The following CLIC5 variants were observed in gnomAD, a reference collection of about 807,000 sequenced individuals.
CLIC5 encodes the protein chloride intracellular channel protein 5.
Under a neutral mutation model 24.7 loss-of-function variants are expected in CLIC5, and 20 were observed. The ratio of observed to expected loss-of-function variants is 0.81; its 90% CI spans 0.57 to 1.18. CLIC5 has a LOEUF of 1.18. CLIC5 is among the 50% of genes most tolerant of loss of function. The pLI is 0.00. For synonymous variants in CLIC5, 159 were observed against 135.6 expected (o/e 1.17, Z -1.20); for missense variants, 341 against 326.1 (o/e 1.05, Z -0.35).
At chr6:46,048,420 A>C (rs757805018) in intron 1 of CLIC5, among the ~76,000 whole-genome samples, 84 of 152,290 alleles carry the variant, frequency 5.5e-4, no homozygotes, top group Non-Finnish European at 9.7e-4. Context: ...CAGTCTTAGC[A>C]TGGGAAGATT....
rs186695236 is a variant in CLIC5 at position 45,972,994 on chromosome 6, G to A, written c.64-17750C>T. Among the ~76,000 whole-genome samples, 317 of 152,310 alleles carry A rather than the reference G, an allele frequency of 2.1e-3. 1 individual carries two copies. The highest frequency in any genetic ancestry group is 7.5e-3 in the African/African-American group (310 of 41,570). ...GCCAAATTTCCATACCTCGTGCAGA[G>A]GAGGAGCCTGCTTGCAAATAACAAT... On this transcript the variant is annotated intron_variant, in intron 1 of 5. Transcript: ENST00000339561.
intron 1 of CLIC5, among the ~76,000 whole-genome samples, chr6:45,997,512 G>GAAAAA (rs201284615): frequency 3.8e-3 from 491 of 130,248 alleles, no homozygotes; most frequent in African/African-American, 0.012. Context: ...AATAATAAAA[G>GAAAAA]AAAAAAAAAA....
At chr6:46,029,505 C>T (rs560190330) in intron 1 of CLIC5, among the ~76,000 whole-genome samples, 1 of 152,330 alleles carries the variant, frequency 6.6e-6, no homozygotes, top group East Asian at 1.9e-4. Flanking sequence ...GCCTCTGTGA[C>T]TCTCCAATGT....
At chr6:45,995,130 T>A (rs547435222) in intron 1 of CLIC5, among the ~76,000 whole-genome samples, 21 of 152,302 alleles carry the variant, frequency 1.4e-4, no homozygotes, top group Admixed American at 2.6e-4. Flanking sequence ...CTTTGGCCAC[T>A]CCTTAGGAGA....
At chr6:46,102,958 T>G in the CLIC5 span, among the ~76,000 whole-genome samples, 1 of 152,220 alleles carries the variant, frequency 6.6e-6, no homozygotes, top group Non-Finnish European at 1.5e-5. Flanking sequence ...AAACACATAT[T>G]CAAATATAGC....
intron 4 of CLIC5, among the ~76,000 whole-genome samples, chr6:45,917,131 G>T (rs191659699): frequency 2.3e-4 from 35 of 152,198 alleles, no homozygotes; most frequent in African/African-American, 7.7e-4. Flanking sequence ...TTGCCTTAAG[G>T]CTTCATAAAT....
chr6:46,087,626 AT>A, the CLIC5 span, among the ~76,000 whole-genome samples: 17 of 151,990 alleles, frequency 1.1e-4, no homozygotes, highest in Non-Finnish European at 1.9e-4. Context: ...TGCGGACTCC[AT>A]CATGACCAAA....
intron 1 of CLIC5, among the ~76,000 whole-genome samples, chr6:45,986,058 C>G (rs978659545): frequency 2.6e-5 from 4 of 152,192 alleles, no homozygotes; most frequent in African/African-American, 4.8e-5. Context: ...TAAGACATGA[C>G]CATGCTCCTC....
intron 4 of CLIC5, among the ~76,000 whole-genome samples, chr6:45,918,488 TC>T (rs1337893225): frequency 8.5e-5 from 13 of 152,220 alleles, no homozygotes; most frequent in Admixed American, 8.5e-4. Flanking sequence ...CAAAGCAGAC[TC>T]CTGGGGCTCA....
rs1010590673 is a variant in CLIC5 at position 46,015,742 on chromosome 6, G to T, written c.-200C>A. On this transcript the variant is annotated 5_prime_UTR_variant, in exon 1 of 6. Transcript: ENST00000339561. ...GTCCCAGATGCTCACATGAAAAGGA[G>T]CGAAGCCGGGAGGAGGCGGGGGGCC... 64 of 1,239,268 alleles carry T rather than the reference G, an allele frequency of 5.2e-5. No homozygotes were observed. The highest frequency in any genetic ancestry group is 6.5e-5 in the Non-Finnish European group (64 of 991,676). 76.8% of individuals were successfully genotyped at this position (1,239,268 alleles called of 1,614,324 possible).
chr6:46,009,022 CCA>C (rs1032038950), intron 1 of CLIC5, among the ~76,000 whole-genome samples: 7 of 152,014 alleles, frequency 4.6e-5, no homozygotes, highest in Admixed American at 3.9e-4. Context: ...GGGCCTCACC[CCA>C]CCCTCCTAAA....
intron 3 of CLIC5, among the ~76,000 whole-genome samples, chr6:45,946,706 G>T (rs1039976169): frequency 2.0e-5 from 3 of 152,174 alleles, no homozygotes; most frequent in Non-Finnish European, 2.9e-5. Context: ...AGACCAGCAG[G>T]TCTCTATGGG....
intron 1 of CLIC5, among the ~76,000 whole-genome samples, chr6:46,002,739 A>G (rs949200346): frequency 2.0e-5 from 3 of 152,198 alleles, no homozygotes; most frequent in African/African-American, 7.2e-5. Flanking sequence ...ATGGCAGAGA[A>G]GTGGGTAGGA....
chr6:45,949,350 C>T lies in CLIC5; in HGVS notation c.205G>A (p.Gly69Ser), dbSNP rs372834840. ...AAGGTCAGGAAGGGCGGGTGCGTGC[C>T]GGGGGCTAGGTTGTGCAGGTCAGCT... ...KPADLHNLAP[G>S]THPPFLTFNG... Residue 69 changes from glycine to serine, a missense_variant, in exon 3 of 6, where the codon GGC becomes AGC. Coordinates refer to ENST00000339561, the MANE Select transcript of CLIC5 (RefSeq NM_016929.5). 1.4e-5 allele frequency: 23 copies of T among 1,613,714 alleles called. No homozygotes were observed. The highest frequency in any genetic ancestry group is 2.7e-5 in the African/African-American group (2 of 74,884).
At chr6:45,963,419 C>T (rs534165805) in intron 1 of CLIC5, among the ~76,000 whole-genome samples, 2 of 152,152 alleles carry the variant, frequency 1.3e-5, no homozygotes, top group African/African-American at 4.8e-5. Flanking sequence ...AGCATAGGGT[C>T]CCTCATTTTC....
rs553820812 is a variant in CLIC5, at chr6:45,891,900, C to T, written c.624-10712G>A. ...ACAACTGTACGATGAAGATTATACA[C>T]GTGTAAAACAAACAACTGAGAAAAC... On this transcript the variant is annotated intron_variant, in intron 6 of 6. Coordinates refer to the CLIC5 transcript ENST00000644324. Among the ~76,000 whole-genome samples, 19 of 152,256 alleles carry T rather than the reference C, an allele frequency of 1.2e-4. No homozygotes were observed. The East Asian group carries it at 2.1e-3, about 17-fold the overall frequency.
At chr6:46,016,033 C>T (rs763349781), upstream of CLIC5, 250 of 345,832 alleles carry the variant, frequency 7.2e-4, no homozygotes, top group Admixed American at 1.3e-3. Context: ...GGCAAAGCCA[C>T]CAAGGCCAAG....
At chr6:46,082,411 G>T (rs1053844361), upstream of CLIC5, among the ~76,000 whole-genome samples, 4 of 152,150 alleles carry the variant, frequency 2.6e-5, no homozygotes, top group African/African-American at 7.2e-5. Context: ...AGGTCATATT[G>T]CTCTGTGCTC....
At chr6:46,071,429 G>A (rs905244552) in intron 1 of CLIC5, among the ~76,000 whole-genome samples, 2 of 151,802 alleles carry the variant, frequency 1.3e-5, no homozygotes, top group Non-Finnish European at 2.9e-5. Context: ...AGTGGGCAAA[G>A]GACATGAATA....
Sources: allele counts gnomAD v4.1 joint callset (sites outside exome capture counted in the v4.1 genomes callset), GRCh38; gene constraint gnomAD v4.1.1; transcripts MANE v1.5; gene names NCBI Gene and HGNC (gene_info 2026-07-23, HGNC 2026-07-21).